Variants in PLCL1 observed in about 807,000 individuals in gnomAD.
PLCL1 encodes phospholipase C like 1 (inactive).
Under a neutral mutation model 84.4 loss-of-function variants are expected in PLCL1, and 41 were observed. The observed-to-expected ratio is 0.49, with a 90% CI of 0.38 to 0.63. The LOEUF (loss-of-function observed/expected upper bound fraction) is 0.63. Ranked by LOEUF, PLCL1 falls within the 30% of genes least tolerant of loss-of-function variation. The pLI is 0.00. For missense variants in PLCL1, 1,206 were observed against 1,367.8 expected, an observed-to-expected ratio of 0.88 and a Z score of 1.87; for synonymous variants, 490 against 488.3, an observed-to-expected ratio of 1.00 and a Z score of -0.05.
chr2:197,804,609 C>A lies in PLCL1; in HGVS notation c.-491C>A. On this transcript the variant is annotated 5_prime_UTR_variant, in exon 1 of 6. Coordinates refer to ENST00000428675, the MANE Select transcript of PLCL1 (RefSeq NM_006226.4). ...TGTCACAACAGAGCTGAGTGGAGGC[C>A]GCCGCCGCCGCCGCACTTCCTGGGA... 1 of 154,636 alleles carries A rather than the reference C, an allele frequency of 6.5e-6. No homozygotes were observed. The highest frequency in any genetic ancestry group is 1.9e-4 in the South Asian group (1 of 5,324). The allele number at this position is 154,636 out of a possible 1,614,324, so 9.6% of individuals were successfully genotyped here. A position where few individuals can be genotyped will look rare whatever the true frequency, so the allele number is the denominator to read the frequency against.
intron 1 of PLCL1, among the ~76,000 whole-genome samples, chr2:197,999,559 T>C (rs1690550652): frequency 6.6e-6 from 1 of 152,220 alleles, no homozygotes; most frequent in Non-Finnish European, 1.5e-5. Flanking sequence ...CATGCTTCTT[T>C]AATTTGGACA....
At chr2:198,146,755 G>T (rs1694526472) in intron 5 of PLCL1, 25 bp from the exon 6 acceptor site, 1 of 1,596,984 alleles carries the variant, frequency 6.3e-7, no homozygotes, top group Non-Finnish European at 8.6e-7. Context: ...TGTCTTCTTT[G>T]ATGCCTGTTT....
intron 1 of PLCL1, among the ~76,000 whole-genome samples, chr2:197,908,638 C>G (rs73056827): frequency 0.018 from 2,727 of 152,218 alleles, 76 homozygotes; most frequent in African/African-American, 0.06. Context: ...ATCAAGTCAG[C>G]TAAACATAAA....
chr2:198,025,083 T>G (rs2196171), intron 1 of PLCL1, among the ~76,000 whole-genome samples: 73,957 of 151,812 alleles, frequency 0.49, 18,400 homozygotes, highest in Middle Eastern at 0.63. Context: ...GATTTTTTCC[T>G]TTTTATTTAA....
intron 1 of PLCL1, among the ~76,000 whole-genome samples, chr2:198,022,800 T>C (rs796119272): frequency 1.3e-5 from 2 of 152,296 alleles, no homozygotes; most frequent in Admixed American, 6.5e-5. Flanking sequence ...GAAGAATCGA[T>C]ATAGTGAAAA....
intron 1 of PLCL1, among the ~76,000 whole-genome samples, chr2:197,868,744 A>C (rs967314363): frequency 2.0e-5 from 3 of 150,406 alleles, no homozygotes; most frequent in Non-Finnish European, 4.4e-5. Flanking sequence ...TTGAACTCCT[A>C]GATTCAAGTG....
intron 1 of PLCL1, among the ~76,000 whole-genome samples, chr2:197,820,124 A>G: frequency 6.6e-6 from 1 of 152,080 alleles, no homozygotes; most frequent in Non-Finnish European, 1.5e-5. Flanking sequence ...TTAGGTGCAT[A>G]TATGTTATTT....
rs897174671 is a variant in PLCL1, at chr2:197,936,133, C to CCA, written c.240+130795_240+130796insAC. Reference sequence around the variant, plus strand: ...GTGTATGTATACATATATTAAACACCCCCCCCCTCACATTTTCTTTATCCA... The same window carrying CCA: ...GTGTATGTATACATATATTAAACACCCACCCCCCCTCACATTTTCTTTATCCA... On this transcript the variant is annotated intron_variant, in intron 1 of 5. Transcript: ENST00000428675. Among the ~76,000 whole-genome samples, 4 of 141,600 alleles carry CCA rather than the reference C, an allele frequency of 2.8e-5. No individual in the cohort carries two copies. In the Middle Eastern group the frequency reaches 0.011, roughly 399 times the overall value. 92.9% of individuals were successfully genotyped at this position (141,600 alleles called of 152,430 possible).
chr2:198,056,250 C>T (rs2105873218), intron 1 of PLCL1, among the ~76,000 whole-genome samples: 1 of 152,214 alleles, frequency 6.6e-6, no homozygotes, highest in African/African-American at 2.4e-5. Context: ...CAGAATTTTT[C>T]ATCAGGAAGG....
chr2:198,031,948 G>A (rs914559115), intron 1 of PLCL1, among the ~76,000 whole-genome samples: 5 of 151,928 alleles, frequency 3.3e-5, no homozygotes, highest in African/African-American at 9.7e-5. Flanking sequence ...CATGTAAGAT[G>A]GGTACATATA....
chr2:197,949,546 A>G (rs1689348363), intron 1 of PLCL1, among the ~76,000 whole-genome samples: 1 of 152,332 alleles, frequency 6.6e-6, no homozygotes, highest in East Asian at 1.9e-4. Context: ...ACTTAGGGAT[A>G]CAAAAGGAAA....
At chr2:198,075,823 A>G (rs1692565527) in intron 1 of PLCL1, among the ~76,000 whole-genome samples, 1 of 152,236 alleles carries the variant, frequency 6.6e-6, no homozygotes, top group Non-Finnish European at 1.5e-5. Context: ...TTCATACATT[A>G]AAATTTATTC....
chr2:198,085,164 T>A lies in PLCL1; in HGVS notation c.1647T>A (p.Asp549Glu), dbSNP rs1433006136. The A allele has an allele frequency of 1.9e-6, 3 of 1,613,892 alleles. No individual in the cohort carries two copies. The highest frequency in any genetic ancestry group is 2.5e-6 in the Non-Finnish European group (3 of 1,179,946). Reference protein sequence around the residue: ...VKGKKLPSDPDVLEGEVTDED... With the variant: ...VKGKKLPSDPEVLEGEVTDED... ...GAAAGAAGTTGCCTTCTGATCCAGA[T>A]GTGTTAGAAGGAGAAGTAACAGATG... The change falls in exon 2 of 6, where the codon GAT becomes GAA. Residue 549 changes from aspartate to glutamate, a missense_variant. By Grantham distance (45) the Asp-to-Glu change is conservative (BLOSUM62 2). Coordinates refer to ENST00000428675, the MANE Select transcript of PLCL1 (RefSeq NM_006226.4). This position sits in a 1 kb window ranked among gnomAD's most constrained non-coding sequence, Gnocchi z 5.3.
At chr2:197,829,334 G>A (rs1366732222) in intron 1 of PLCL1, among the ~76,000 whole-genome samples, 2 of 152,158 alleles carry the variant, frequency 1.3e-5, no homozygotes, top group African/African-American at 4.8e-5. Context: ...AAGCTAGTAC[G>A]TGAACTTAGA....
At chr2:197,990,657 A>G (rs1574229151) in intron 1 of PLCL1, among the ~76,000 whole-genome samples, 1 of 152,106 alleles carries the variant, frequency 6.6e-6, no homozygotes, top group Non-Finnish European at 1.5e-5. Context: ...TGATTCAATA[A>G]CCTTCCACAG....
At chr2:197,937,982 AC>A (rs1314625663) in intron 1 of PLCL1, among the ~76,000 whole-genome samples, 1 of 152,090 alleles carries the variant, frequency 6.6e-6, no homozygotes, top group Non-Finnish European at 1.5e-5. Context: ...TTGGGCAACA[AC>A]CCAAGTCTGG....
intron 1 of PLCL1, among the ~76,000 whole-genome samples, chr2:198,067,154 G>A (rs554123924): frequency 7.3e-6 from 1 of 137,736 alleles, no homozygotes; most frequent in Admixed American, 7.4e-5. Flanking sequence ...TAGAGACGGA[G>A]TTTTGCTCTT....
At chr2:197,965,100 C>A (rs778620112) in intron 1 of PLCL1, among the ~76,000 whole-genome samples, 1 of 152,038 alleles carries the variant, frequency 6.6e-6, no homozygotes, top group Admixed American at 6.5e-5. Flanking sequence ...TTCCCTCATC[C>A]TCTATTTTTT....
Position 197,991,746 on chromosome 2 carries a change from G to T in PLCL1, c.241-92012G>T, listed in dbSNP as rs138217994. Among the ~76,000 whole-genome samples the T allele has an allele frequency of 2.3e-3, 357 of 152,186 alleles. 4 individuals are homozygous for T. The highest frequency in any genetic ancestry group is 8.3e-3 in the African/African-American group (346 of 41,520). ...ACGAGCCCTCATTAGTGGGAGATGT[G>T]CTGAGAAGCCCTTCTCTTTCCCACT... On this transcript the variant is annotated intron_variant, in intron 1 of 5. Coordinates refer to ENST00000428675, the MANE Select transcript of PLCL1 (RefSeq NM_006226.4).
Sources: gnomAD v4.1 joint callset for allele counts (sites outside exome capture counted in the v4.1 genomes callset) on GRCh38, gnomAD v4.1.1 for gene constraint, Gnocchi (gnomAD v3.1) non-coding constraint, MANE v1.5 for transcripts, NCBI Gene and HGNC (gene_info 2026-07-23, HGNC 2026-07-21) for gene names.